EPAS1: variants seen among roughly 807,000 people sequenced by gnomAD.
EPAS1 encodes endothelial PAS domain-containing protein 1.
EPAS1 carries 23 observed loss-of-function variants against 87.9 expected under a neutral mutation model. The observed-to-expected ratio is 0.26, with a 90% CI of 0.19 to 0.37. EPAS1 has a LOEUF of 0.37. Among genes scored for constraint, EPAS1 ranks in the 10% least tolerant of loss-of-function variants. The pLI is 1.00. For missense variants in EPAS1, 1,138 were observed against 1,120.7 expected, an observed-to-expected ratio of 1.02 and a Z score of -0.22; for synonymous variants, 508 against 444.3, an observed-to-expected ratio of 1.14 and a Z score of -1.80.
chr2:46,381,225 T>C (rs1192356399), intron 12 of EPAS1: 5 of 379,572 alleles, frequency 1.3e-5, no homozygotes, highest in Non-Finnish European at 2.5e-5. Flanking sequence ...CAGGGGTTGG[T>C]ACATGACCTG....
intron 1 of EPAS1, among the ~76,000 whole-genome samples, chr2:46,327,622 A>G (rs1032163864): frequency 6.6e-6 from 1 of 152,240 alleles, no homozygotes; most frequent in South Asian, 2.1e-4. Flanking sequence ...ATAAAACTCC[A>G]TGTCTAAAAC....
chr2:46,364,058 T>G (rs938564814), intron 6 of EPAS1, among the ~76,000 whole-genome samples: 1 of 152,212 alleles, frequency 6.6e-6, no homozygotes, highest in Non-Finnish European at 1.5e-5. Context: ...TTTTCACTCT[T>G]TGTGGTGGGA....
chr2:46,369,914 G>A lies in EPAS1; in HGVS notation c.867G>A (p.Met289Ile), dbSNP rs776645971. The A allele has an allele frequency of 1.2e-6, 2 of 1,611,160 alleles. No homozygotes were observed. The highest frequency in any genetic ancestry group is 2.2e-5 in the East Asian group (1 of 44,898). ...ACCATGCGCTAGACTCCGAGAACAT[G>A]ACCAAGAGTCACCAGAACTGTGAGT... is the stretch of plus-strand genomic sequence containing the variant. The part of the protein sequence containing the change: ...EFYHALDSEN[M>I]TKSHQNLCTK... Residue 289 changes from methionine to isoleucine, a missense_variant, in exon 7 of 16, where the codon ATG becomes ATA. Coordinates refer to ENST00000263734, the MANE Select transcript of EPAS1 (RefSeq NM_001430.5).
In EPAS1 at chr2:46,383,180, G is replaced by A. The variant is rs112869451; in HGVS notation, c.2461+582G>A. Among the ~76,000 whole-genome samples, 371 of 152,284 alleles carry A rather than the reference G, an allele frequency of 2.4e-3. 6 individuals carry two copies. The highest frequency in any genetic ancestry group is 8.5e-3 in the African/African-American group (353 of 41,558). ...GGGCTCTTTCCACCCTGAGAATCCC[G>A]GAGCCTTGCCCCTTCCTCAGTTCTT... On this transcript the variant is annotated intron_variant, in intron 15 of 15. Coordinates refer to ENST00000263734, the MANE Select transcript of EPAS1 (RefSeq NM_001430.5).
intron 1 of EPAS1, among the ~76,000 whole-genome samples, chr2:46,301,055 G>C (rs1361905371): frequency 2.0e-5 from 3 of 152,310 alleles, no homozygotes; most frequent in Non-Finnish European, 4.4e-5. Flanking sequence ...CAGAATTGAT[G>C]TAACACATTG....
chr2:46,366,940 G>A (rs546183533), intron 6 of EPAS1, among the ~76,000 whole-genome samples: 1 of 152,240 alleles, frequency 6.6e-6, no homozygotes, highest in Non-Finnish European at 1.5e-5. Context: ...TTTAAGTTGG[G>A]GTTTCCTGGC....
intron 1 of EPAS1, among the ~76,000 whole-genome samples, chr2:46,322,757 G>A (rs1683476081): frequency 6.6e-6 from 1 of 152,168 alleles, no homozygotes; most frequent in Non-Finnish European, 1.5e-5. Context: ...CAAAGCTTCT[G>A]CTGTTTCCAT....
Position 46,376,713 on chromosome 2 carries a change from G to A in EPAS1, c.1209G>A (p.Leu403=), listed in dbSNP as rs769281284. The A allele has an allele frequency of 2.5e-6, 4 of 1,613,172 alleles. No individual in the cohort carries two copies. The South Asian group carries it at 3.3e-5, about 13-fold the overall frequency. Residue 403 remains leucine (L), a synonymous_variant, in exon 9 of 16, where the codon CTG becomes CTA. Transcript: ENST00000263734. The stretch of plus-strand genomic sequence containing the variant: ...AGGAGCCCGAGGAGCTGGCCCAGCT[G>A]GCTCCCACCCCAGGAGACGCCATCA... ...LKEEPEELAQ[L]APTPGDAIIS...
At chr2:46,353,244 T>C (rs568012625) in intron 2 of EPAS1, among the ~76,000 whole-genome samples, 2 of 152,324 alleles carry the variant, frequency 1.3e-5, no homozygotes, top group South Asian at 2.1e-4. Context: ...AGGTCACTCG[T>C]AGGATCTTTG....
intron 1 of EPAS1, among the ~76,000 whole-genome samples, chr2:46,310,431 T>C (rs1683187999): frequency 6.6e-6 from 1 of 152,226 alleles, no homozygotes; most frequent in South Asian, 2.1e-4. Context: ...TTGATCAATT[T>C]CTACCAATAA....
chr2:46,333,527 G>A (rs1441600587), intron 1 of EPAS1, among the ~76,000 whole-genome samples: 1 of 152,068 alleles, frequency 6.6e-6, no homozygotes, highest in African/African-American at 2.4e-5. Context: ...AGGTCAGAAA[G>A]GAAGAAGCAC....
intron 1 of EPAS1, among the ~76,000 whole-genome samples, chr2:46,313,652 A>G (rs1379359716): frequency 2.6e-5 from 4 of 152,206 alleles, no homozygotes; most frequent in African/African-American, 9.6e-5. Flanking sequence ...GGGTTTCACC[A>G]TGTTGGCCAG....
intron 1 of EPAS1, among the ~76,000 whole-genome samples, chr2:46,340,920 T>G (rs1683899123): frequency 6.6e-6 from 1 of 152,190 alleles, no homozygotes; most frequent in Admixed American, 6.5e-5. Context: ...GGGGTCTTGC[T>G]GTGTTGCCCA....
chr2:46,301,065 G>T (rs1480602383), intron 1 of EPAS1, among the ~76,000 whole-genome samples: 1 of 152,162 alleles, frequency 6.6e-6, no homozygotes, highest in Non-Finnish European at 1.5e-5. Flanking sequence ...GTAACACATT[G>T]TTGGCTTGAG....
intron 1 of EPAS1, among the ~76,000 whole-genome samples, chr2:46,330,962 A>G (rs1257678096): frequency 6.6e-6 from 1 of 150,824 alleles, no homozygotes; most frequent in East Asian, 1.9e-4. Flanking sequence ...GGGTTATGTC[A>G]TCTTTCTTGC....
chr2:46,299,447 A>T (rs143369669), intron 1 of EPAS1, among the ~76,000 whole-genome samples: 8 of 152,348 alleles, frequency 5.3e-5, no homozygotes, highest in Non-Finnish European at 1.0e-4. Flanking sequence ...CTGGGGTTCC[A>T]TGTCTTTTGA....
chr2:46,347,035 C>G lies in EPAS1; in HGVS notation c.189C>G (p.Phe63Leu). 6.2e-7 allele frequency: 1 copy of G among 1,614,210 alleles called. No homozygotes were observed. Among genetic ancestry groups the G allele is most frequent in the Non-Finnish European group, 8.5e-7 (1 of 1,180,030 alleles). The change falls in exon 2 of 16, where the codon TTC becomes TTG. Residue 63 changes from phenylalanine (F) to leucine (L), a missense_variant. Around this residue, in one of 4 missense-constraint regions of EPAS1, gnomAD observed 351 missense variants for 417.1 expected, o/e 0.84. Transcript: ENST00000263734. This position sits in a 1 kb window ranked among gnomAD's most constrained non-coding sequence, Gnocchi z 4.2. ...CCATCATGCGACTGGCAATCAGCTT[C>G]CTGCGAACACACAAGCTCCTCTCCT... ...KASIMRLAIS[F>L]LRTHKLLSSV...
chr2:46,332,291 CGTGTGTGT>C lies in EPAS1; in HGVS notation c.27-14547_27-14540del, dbSNP rs57893491. Among the ~76,000 whole-genome samples the C allele has an allele frequency of 5.5e-3, 614 of 110,816 alleles. 3 individuals carry two copies. The highest frequency in any genetic ancestry group is 0.024 in the South Asian group (71 of 3,010). The allele number at this position is 110,816 out of a possible 152,430, so 72.7% of individuals were successfully genotyped here. On this transcript the variant is annotated intron_variant, in intron 1 of 15. Transcript: ENST00000263734. ...TTTCACAGAAAAAAAAAAAAAAATA[CGTGTGTGT>C]GTGTGTGTGTGTGTGTGTGTGTGTG...
In EPAS1 at chr2:46,349,670, A is replaced by G. The variant is rs771070112; in HGVS notation, c.217+2607A>G. On this transcript the variant is annotated intron_variant, in intron 2 of 15. Transcript: ENST00000263734. ...TGTCCTTGAAGGAGAAATTCTCACC[A>G]AACGAGCACAGCCCAGGGAGGAGGA... 2.6e-5 allele frequency among the ~76,000 whole-genome samples: 4 copies of G among 152,260 alleles called. 1 individual carries two copies. Among genetic ancestry groups the G allele is most frequent in the Non-Finnish European group, 5.9e-5 (4 of 68,050 alleles).
Sources: allele counts gnomAD v4.1 joint callset (sites outside exome capture counted in the v4.1 genomes callset), GRCh38; gene constraint gnomAD v4.1.1; regional missense constraint gnomAD v4.1.1; non-coding constraint Gnocchi (gnomAD v3.1); transcripts MANE v1.5; gene names NCBI Gene and HGNC (gene_info 2026-07-23, HGNC 2026-07-21).